Variants in LPP observed in about 807,000 individuals in gnomAD.
The protein encoded by LPP is LIM domain containing preferred translocation partner in lipoma.
Under a neutral mutation model 60.4 loss-of-function variants are expected in LPP, and 38 were observed. The observed-to-expected ratio is 0.63, with a 90% CI of 0.49 to 0.83. The LOEUF (loss-of-function observed/expected upper bound fraction) is 0.83. Ranked by LOEUF, LPP falls within the 40% of genes least tolerant of loss-of-function variation. The pLI, the probability that LPP is intolerant of heterozygous loss-of-function variation, is 0.00. For missense variants in LPP, 902 were observed against 783.6 expected, an observed-to-expected ratio of 1.15 and a Z score of -1.80; for synonymous variants, 328 against 290.8, an observed-to-expected ratio of 1.13 and a Z score of -1.30.
chr3:188,609,748 C>T lies in LPP; in HGVS notation c.1017C>T (p.Asn339=), dbSNP rs779710859. 1.9e-6 allele frequency: 3 copies of T among 1,614,122 alleles called. No homozygotes were observed. Among genetic ancestry groups the T allele is most frequent in the South Asian group, 2.2e-5 (2 of 91,088 alleles). ...GGTACACTCCTCCTGGAGCAGGGAA[C>T]CAGAACCCTCCTGGGATGTATCCAG... is the stretch of plus-strand genomic sequence containing the variant. The part of the protein sequence containing the change: ...EPGYTPPGAG[N]QNPPGMYPVT... Residue 339 remains asparagine (N), a synonymous_variant, in exon 7 of 12, where the codon AAC becomes AAT. Coordinates refer to ENST00000617246, the MANE Select transcript of LPP (RefSeq NM_001375462.1). The surrounding 1 kb of genome is among the most constrained non-coding windows in gnomAD (Gnocchi z 6.9).
intron 9 of LPP, among the ~76,000 whole-genome samples, chr3:188,825,351 C>T (rs1755183161): frequency 6.8e-6 from 1 of 146,846 alleles, no homozygotes; most frequent in Non-Finnish European, 1.5e-5. Flanking sequence ...AGAAAGCTGT[C>T]ACAGCACAGA....
intron 9 of LPP, among the ~76,000 whole-genome samples, chr3:188,780,323 A>G (rs1739229145): frequency 6.6e-6 from 1 of 152,212 alleles, no homozygotes; most frequent in African/African-American, 2.4e-5. Flanking sequence ...TCTCTTGAGT[A>G]TCCAAAATGA....
Position 188,479,132 on chromosome 3 carries a change from C to T in LPP, c.194-5460C>T, listed in dbSNP as rs76821602. On this transcript the variant is annotated intron_variant, in intron 4 of 11. Transcript: ENST00000617246. ...TAACCATGATTAAAAAAGTGTTCAC[C>T]TTGTGTGTGTGCGTGTGTGTGTAGG... Among the ~76,000 whole-genome samples the T allele has an allele frequency of 3.7e-3, 557 of 152,208 alleles. 7 individuals carry two copies. The highest frequency in any genetic ancestry group is 0.012 in the African/African-American group (505 of 41,520).
At chr3:188,569,795 C>T (rs1833093425) in intron 6 of LPP, among the ~76,000 whole-genome samples, 1 of 151,916 alleles carries the variant, frequency 6.6e-6, no homozygotes, top group Non-Finnish European at 1.5e-5. Flanking sequence ...ACTAACAGTC[C>T]CTGTGTTAGT....
Position 188,824,535 on chromosome 3 carries a change from AG to A in LPP, c.1411-41662del, listed in dbSNP as rs368885176. On this transcript the variant is annotated intron_variant, in intron 9 of 11. Coordinates refer to ENST00000617246, the MANE Select transcript of LPP (RefSeq NM_001375462.1). ...CAGACCTAGAATGACAGCTCCGTGT[AG>A]GGCACTGGGAATTGCTGTTTGGGGA... is the stretch of plus-strand genomic sequence containing the variant. 2.0e-4 allele frequency among the ~76,000 whole-genome samples: 30 copies of A among 152,274 alleles called. No individual in the cohort carries two copies. The East Asian group carries it at 5.6e-3, about 28-fold the overall frequency.
chr3:188,541,359 G>C (rs1202139911), intron 6 of LPP, among the ~76,000 whole-genome samples: 1 of 152,078 alleles, frequency 6.6e-6, no homozygotes, highest in Non-Finnish European at 1.5e-5. Flanking sequence ...AAAGCTTCTT[G>C]TCAGTCACAT....
At position 188,884,250 on chromosome 3, in the gene LPP, A is replaced by G. The variant is rs745404621; in HGVS notation, c.*9771A>G. On this transcript the variant is annotated 3_prime_UTR_variant, in exon 12 of 12. Transcript: ENST00000617246. Reference sequence around the variant, plus strand: ...CTGTGACATAGCTGGGAAGTGGCAGATTTGGGGATATAACCAGGTCTTGCA... The same window carrying G: ...CTGTGACATAGCTGGGAAGTGGCAGGTTTGGGGATATAACCAGGTCTTGCA... The G allele has an allele frequency of 4.4e-5, 10 of 229,878 alleles. No homozygotes were observed. The highest frequency in any genetic ancestry group is 8.6e-5 in the Non-Finnish European group (10 of 116,082). 14.2% of individuals were successfully genotyped at this position (229,878 alleles called of 1,614,324 possible).
chr3:188,724,467 G>A (rs770303091), intron 8 of LPP, among the ~76,000 whole-genome samples: 1 of 152,154 alleles, frequency 6.6e-6, no homozygotes, highest in Non-Finnish European at 1.5e-5. Flanking sequence ...CTACTAATAA[G>A]GGAGCAATTA....
At chr3:188,420,416 T>C (rs1040925252) in intron 4 of LPP, among the ~76,000 whole-genome samples, 1 of 152,310 alleles carries the variant, frequency 6.6e-6, no homozygotes, top group South Asian at 2.1e-4. Flanking sequence ...AAAGAAACTA[T>C]TGATTTTTAT....
chr3:188,401,696 T>C (rs1782279831), intron 3 of LPP, among the ~76,000 whole-genome samples: 1 of 152,218 alleles, frequency 6.6e-6, no homozygotes, highest in African/African-American at 2.4e-5. Context: ...TATCATGTGG[T>C]AGCCCCTGGA....
chr3:188,415,368 T>C (rs1289243568), intron 4 of LPP, among the ~76,000 whole-genome samples: 2 of 152,134 alleles, frequency 1.3e-5, no homozygotes, highest in African/African-American at 4.8e-5. Context: ...GATGGAAAAC[T>C]CTTTGGCGGT....
chr3:188,416,103 T>TA (rs5855195), intron 4 of LPP, among the ~76,000 whole-genome samples: 134,546 of 151,244 alleles, frequency 0.89, 60,225 homozygotes, highest in African/African-American at 0.96. Context: ...AGTCCATATT[T>TA]AAAAAAAAAT....
chr3:188,315,133 C>T (rs1159050048), intron 2 of LPP, among the ~76,000 whole-genome samples: 1 of 151,806 alleles, frequency 6.6e-6, no homozygotes, highest in Non-Finnish European at 1.5e-5. Context: ...CTGTGATTAC[C>T]TTTGTTAAAT....
intron 3 of LPP, among the ~76,000 whole-genome samples, chr3:188,399,995 C>T (rs1560352794): frequency 6.6e-6 from 1 of 152,114 alleles, no homozygotes; most frequent in Non-Finnish European, 1.5e-5. Context: ...GTTTTCCCAC[C>T]TACGTGGGGC....
intron 3 of LPP, among the ~76,000 whole-genome samples, chr3:188,395,473 C>G (rs892608189): frequency 2.0e-4 from 30 of 152,030 alleles, no homozygotes; most frequent in Admixed American, 1.4e-3. Context: ...AGGCCTCAAG[C>G]AATCCAGGGT....
intron 7 of LPP, chr3:188,688,822 T>C (rs1307522539): frequency 3.8e-6 from 2 of 525,452 alleles, no homozygotes; most frequent in South Asian, 2.9e-5. Context: ...TGAGTTACCT[T>C]TCTGACTTTC....
intron 9 of LPP, among the ~76,000 whole-genome samples, chr3:188,816,513 T>G (rs1752550312): frequency 6.6e-6 from 1 of 152,176 alleles, no homozygotes; most frequent in Non-Finnish European, 1.5e-5. Flanking sequence ...AATGATTCCT[T>G]CTCATCTTCT....
At chr3:188,361,462 TTCC>T (rs1237772903) in intron 3 of LPP, among the ~76,000 whole-genome samples, 1 of 103,328 alleles carries the variant, frequency 9.7e-6, no homozygotes, top group African/African-American at 3.7e-5. Flanking sequence ...CCTCCCTCCC[TTCC>T]TTCCTTCCCT....
At chr3:188,520,903 T>A (rs1236969696) in intron 5 of LPP, among the ~76,000 whole-genome samples, 1 of 151,918 alleles carries the variant, frequency 6.6e-6, no homozygotes, top group East Asian at 1.9e-4. Context: ...AGATAGGGAG[T>A]TAGGAGAAAG....
Sources: gnomAD v4.1 joint callset for allele counts (sites outside exome capture counted in the v4.1 genomes callset) on GRCh38, gnomAD v4.1.1 for gene constraint, Gnocchi (gnomAD v3.1) non-coding constraint, MANE v1.5 for transcripts, NCBI Gene and HGNC (gene_info 2026-07-23, HGNC 2026-07-21) for gene names.